Variants in CDH6 observed in about 807,000 individuals in gnomAD.
CDH6 encodes the protein cadherin-6.
CDH6 carries 31 observed loss-of-function variants against 78.0 expected under a neutral mutation model. That is an observed-to-expected ratio of 0.40 (90% CI 0.30 to 0.54). The LOEUF (loss-of-function observed/expected upper bound fraction) is 0.54. Ranked by LOEUF, CDH6 falls within the 20% of genes least tolerant of loss-of-function variation. CDH6 has a pLI of 0.56. For synonymous variants in CDH6, 376 were observed against 368.8 expected (o/e 1.02, Z -0.23); for missense variants, 724 against 975.9 (o/e 0.74, Z 3.44).
rs147969887 is a variant in CDH6 at position 31,242,701 on chromosome 5, TG to T, written c.-128-24636del. Among the ~76,000 whole-genome samples the T allele has an allele frequency of 1.0e-3, 141 of 139,508 alleles. 1 individual carries two copies. Among genetic ancestry groups the T allele is most frequent in the South Asian group, 2.4e-3 (10 of 4,122 alleles). The allele number at this position is 139,508 out of a possible 152,430, so 91.5% of individuals were successfully genotyped here. A position where few individuals can be genotyped will look rare whatever the true frequency, so the allele number is the denominator to read the frequency against. ...CCTGGTCTTCTCTACAGAATAAGAA[TG>T]GGGGGGGGCGGTTAGAAGAAAATAT... On this transcript the variant is annotated intron_variant, in intron 1 of 11. Transcript: ENST00000265071.
Position 31,255,334 on chromosome 5 carries a change from A to G in CDH6, c.-128-12012A>G, listed in dbSNP as rs947472277. ...GTCTTTGACAACTGCAGTAAAACTCAACAAAAGACGAATGTGATTTTTTTC... is the reference window on the plus strand; with the variant it reads ...GTCTTTGACAACTGCAGTAAAACTCGACAAAAGACGAATGTGATTTTTTTC... On this transcript the variant is annotated intron_variant, in intron 1 of 11. Transcript: ENST00000265071. 2.6e-5 allele frequency among the ~76,000 whole-genome samples: 4 copies of G among 152,234 alleles called. No homozygotes were observed. The East Asian group carries it at 7.7e-4, about 29-fold the overall frequency.
intron 1 of CDH6, among the ~76,000 whole-genome samples, chr5:31,253,608 A>G (rs2149926051): frequency 6.6e-6 from 1 of 152,286 alleles, no homozygotes; most frequent in East Asian, 1.9e-4. Context: ...TCATGATCTA[A>G]TCACCTTCCA....
rs377097568 is a variant in CDH6, at chr5:31,303,838, A to G, written c.1000-1336A>G. On this transcript the variant is annotated intron_variant, in intron 6 of 11. Transcript: ENST00000265071. The stretch of plus-strand genomic sequence containing the variant: ...ACATGTTTAAGTGACACTCAGACTA[A>G]TGTTTTAAACTATAATATAATTAGG... Among the ~76,000 whole-genome samples the G allele has an allele frequency of 1.1e-4, 16 of 152,184 alleles. 1 individual carries two copies. The East Asian group carries it at 1.3e-3, about 13-fold the overall frequency.
At chr5:31,214,398 C>T (rs1740806342) in intron 1 of CDH6, among the ~76,000 whole-genome samples, 1 of 152,152 alleles carries the variant, frequency 6.6e-6, no homozygotes, top group Non-Finnish European at 1.5e-5. Flanking sequence ...TAAGCCCCAA[C>T]CTCCAACTAG....
chr5:31,313,417 GC>G lies in CDH6; in HGVS notation c.1354del (p.Leu452TyrfsTer7). 1 of 1,614,064 alleles carries G rather than the reference GC, an allele frequency of 6.2e-7. No homozygotes were observed. Among genetic ancestry groups the G allele is most frequent in the East Asian group, 2.2e-5 (1 of 44,874 alleles). ...CGAAACTTCTTGACCGAGAAACACTGCTATGGCACAACATTACAGTGATAGC... is the reference window on the plus strand; with the variant it reads ...CGAAACTTCTTGACCGAGAAACACTGTATGGCACAACATTACAGTGATAGC... ...TSKLLDRETL[L>X]WHNITVIATE... On this transcript the variant is annotated frameshift_variant, in exon 8 of 12. Coordinates refer to ENST00000265071, the MANE Select transcript of CDH6 (RefSeq NM_004932.4). LOFTEE classifies it high-confidence loss of function.
chr5:31,220,391 A>G (rs559666930), intron 1 of CDH6, among the ~76,000 whole-genome samples: 14 of 152,326 alleles, frequency 9.2e-5, no homozygotes, highest in Non-Finnish European at 2.1e-4. Context: ...TGCACTCCTT[A>G]TATCTCATAG....
At chr5:31,250,417 C>G (rs13361642) in intron 1 of CDH6, 15,970 of 152,362 alleles carry the variant, frequency 0.1, 1,377 homozygotes, top group African/African-American at 0.24. Flanking sequence ...TGATGCTCCA[C>G]CCACCAGGCT....
intron 2 of CDH6, among the ~76,000 whole-genome samples, chr5:31,271,012 T>C (rs1384168515): frequency 1.3e-5 from 2 of 152,184 alleles, no homozygotes; most frequent in Non-Finnish European, 2.9e-5. Context: ...TTCAAGCAGA[T>C]TACTACTAAA....
intron 1 of CDH6, among the ~76,000 whole-genome samples, chr5:31,195,612 T>C (rs1740143114): frequency 3.3e-5 from 5 of 152,106 alleles, no homozygotes; most frequent in Admixed American, 3.3e-4. Context: ...AAGAAAGGGG[T>C]ATGCTTGAGC....
chr5:31,314,579 A>G (rs1439868375), intron 8 of CDH6, among the ~76,000 whole-genome samples: 1 of 152,080 alleles, frequency 6.6e-6, no homozygotes, highest in Non-Finnish European at 1.5e-5. Flanking sequence ...AGATAGTGAT[A>G]AGGACAGCAC....
chr5:31,328,988 T>C lies in CDH6; in HGVS notation c.*5680T>C, dbSNP rs1375216483. On this transcript the variant is annotated 3_prime_UTR_variant, in exon 12 of 12. Transcript: ENST00000265071. Reference sequence around the variant, plus strand: ...AATGGCAAATACGCACTCCTTGAAATGGCTTCTTTTATTTGGTTTTGTTTT... The same window carrying C: ...AATGGCAAATACGCACTCCTTGAAACGGCTTCTTTTATTTGGTTTTGTTTT... 4.6e-6 allele frequency: 1 copy of C among 219,532 alleles called. No individual in the cohort carries two copies. The highest frequency in any genetic ancestry group is 9.1e-6 in the Non-Finnish European group (1 of 109,588). The allele number at this position is 219,532 out of a possible 1,614,324, so 13.6% of individuals were successfully genotyped here. A position where few individuals can be genotyped will look rare whatever the true frequency, so the allele number is the denominator to read the frequency against.
chr5:31,196,712 C>T (rs1740178345), intron 1 of CDH6, among the ~76,000 whole-genome samples: 1 of 152,094 alleles, frequency 6.6e-6, no homozygotes, highest in African/African-American at 2.4e-5. Context: ...TATTTCTGTA[C>T]TTCCTCTAAT....
chr5:31,257,270 C>T (rs1742083053), intron 1 of CDH6, among the ~76,000 whole-genome samples: 1 of 152,178 alleles, frequency 6.6e-6, no homozygotes, highest in Admixed American at 6.5e-5. Context: ...TCACGCCATT[C>T]TCCTGCCTCA....
At chr5:31,292,461 G>A (rs920724969) in intron 2 of CDH6, among the ~76,000 whole-genome samples, 1 of 152,092 alleles carries the variant, frequency 6.6e-6, no homozygotes, top group Admixed American at 6.5e-5. Context: ...TTTGCCCTAA[G>A]AGTCTATTTT....
chr5:31,286,084 G>T (rs1000780377), intron 2 of CDH6, among the ~76,000 whole-genome samples: 11 of 152,118 alleles, frequency 7.2e-5, no homozygotes, highest in Non-Finnish European at 1.5e-4. Flanking sequence ...ACTGATCATT[G>T]ATATCTTATC....
chr5:31,313,593 G>T, intron 8 of CDH6, 139 bp downstream of exon 8: 1 of 734,068 alleles, frequency 1.4e-6, no homozygotes, highest in East Asian at 2.6e-5. Context: ...GGAGTGGTTT[G>T]CAGTAATGTT....
At chr5:31,307,933 G>T (rs893282416) in intron 7 of CDH6, among the ~76,000 whole-genome samples, 6 of 152,156 alleles carry the variant, frequency 3.9e-5, no homozygotes, top group African/African-American at 1.4e-4. Flanking sequence ...TAATTTTTAA[G>T]TTTTTTGCTG....
chr5:31,299,366 C>A, intron 4 of CDH6, 98 bp from the exon 5 acceptor site: 1 of 897,636 alleles, frequency 1.1e-6, no homozygotes. Flanking sequence ...TAGCATTTTG[C>A]ATATTGTGGG....
At chr5:31,287,750 G>A (rs999346500) in intron 2 of CDH6, among the ~76,000 whole-genome samples, 2 of 152,202 alleles carry the variant, frequency 1.3e-5, no homozygotes, top group African/African-American at 4.8e-5. Flanking sequence ...GCACTGGTGG[G>A]CATCCCCTGA....
Sources: gnomAD v4.1 joint callset for allele counts (sites outside exome capture counted in the v4.1 genomes callset) on GRCh38, gnomAD v4.1.1 for gene constraint, MANE v1.5 for transcripts, NCBI Gene and HGNC (gene_info 2026-07-23, HGNC 2026-07-21) for gene names.